ATXN7L1: variants seen among roughly 807,000 people sequenced by gnomAD.
The protein encoded by ATXN7L1 is ataxin 7 like 1.
A neutral mutation model predicts 70.8 loss-of-function variants in ATXN7L1; 15 were observed. That is an observed-to-expected ratio of 0.21 (90% CI 0.14 to 0.33). The LOEUF (loss-of-function observed/expected upper bound fraction) is 0.33. ATXN7L1 is among the 10% of genes least tolerant of loss of function. The pLI is 1.00. For synonymous variants in ATXN7L1, 440 were observed against 445.1 expected, an observed-to-expected ratio of 0.99 and a Z score of 0.14; for missense variants, 975 against 1,097.1, an observed-to-expected ratio of 0.89 and a Z score of 1.57.
chr7:105,650,386 A>ATAT (rs1255165376), intron 4 of ATXN7L1, among the ~76,000 whole-genome samples: 1 of 152,100 alleles, frequency 6.6e-6, no homozygotes, highest in African/African-American at 2.4e-5. Context: ...GAGCATGGTA[A>ATAT]ATAAGAATAT....
At chr7:105,619,341 G>A (rs1310108038) in intron 9 of ATXN7L1, among the ~76,000 whole-genome samples, 1 of 145,356 alleles carries the variant, frequency 6.9e-6, no homozygotes, top group Non-Finnish European at 1.5e-5. Context: ...AGAGACGGGG[G>A]TTTCACTATG....
intron 2 of ATXN7L1, among the ~76,000 whole-genome samples, chr7:105,864,642 TC>T (rs1817142179): frequency 6.6e-6 from 1 of 151,424 alleles, no homozygotes; most frequent in African/African-American, 2.4e-5. Context: ...TTTTTTTTTT[TC>T]TTTTTTTTGA....
chr7:105,724,067 C>T lies in ATXN7L1; in HGVS notation c.356-58779G>A, dbSNP rs116354229. Among the ~76,000 whole-genome samples the T allele has an allele frequency of 4.9e-3, 746 of 152,188 alleles. 6 individuals are homozygous for T. The highest frequency in any genetic ancestry group is 0.016 in the African/African-American group (680 of 41,522). On this transcript the variant is annotated intron_variant, in intron 3 of 11. Transcript: ENST00000419735. ...ATGAGGTGTATTAGTTTCCTAGGAC[C>T]GCTGTAACAAAGTACCACAATTTGG...
rs890937822 is a variant in ATXN7L1 at position 105,605,833 on chromosome 7, C to T, written c.*2019G>A. 7 of 152,260 alleles carry T rather than the reference C, an allele frequency of 4.6e-5. No individual in the cohort carries two copies. Among genetic ancestry groups the T allele is most frequent in the African/African-American group, 1.4e-4 (6 of 41,558 alleles). 9.4% of individuals were successfully genotyped at this position (152,260 alleles called of 1,614,324 possible). ...TACAATAAAAACATAATTCAAAGAACATTTTAAAAATATAAACATTGCTTA... is the reference window on the plus strand; with the variant it reads ...TACAATAAAAACATAATTCAAAGAATATTTTAAAAATATAAACATTGCTTA... On this transcript the variant is annotated 3_prime_UTR_variant, in exon 12 of 12. Transcript: ENST00000419735.
intron 3 of ATXN7L1, among the ~76,000 whole-genome samples, chr7:105,686,141 A>C (rs1156875003): frequency 6.6e-6 from 1 of 152,230 alleles, no homozygotes; most frequent in African/African-American, 2.4e-5. Flanking sequence ...TTAAAAAAAA[A>C]AAATACACAG....
chr7:105,753,363 C>T (rs889467522), intron 3 of ATXN7L1, among the ~76,000 whole-genome samples: 20 of 152,310 alleles, frequency 1.3e-4, no homozygotes, highest in African/African-American at 3.6e-4. Context: ...AGAGAATACA[C>T]GTGATACAGT....
chr7:105,729,333 A>AAATAAATG (rs1796262947), intron 3 of ATXN7L1, among the ~76,000 whole-genome samples: 1 of 144,198 alleles, frequency 6.9e-6, no homozygotes, highest in South Asian at 2.2e-4. Context: ...ATAAATAAAT[A>AAATAAATG]AATGGAGGAG....
At chr7:105,789,587 C>T (rs545770974) in intron 2 of ATXN7L1, among the ~76,000 whole-genome samples, 5 of 152,006 alleles carry the variant, frequency 3.3e-5, no homozygotes, top group South Asian at 2.1e-4. Flanking sequence ...AGGGGGAAGG[C>T]GGAAAGTTTG....
chr7:105,791,711 TAA>T (rs1475311336), intron 2 of ATXN7L1, among the ~76,000 whole-genome samples: 4 of 152,222 alleles, frequency 2.6e-5, no homozygotes, highest in African/African-American at 9.7e-5. Context: ...CATTTCGACT[TAA>T]AGTCACATTT....
At chr7:105,759,092 A>C (rs1348395477) in intron 3 of ATXN7L1, among the ~76,000 whole-genome samples, 1 of 151,596 alleles carries the variant, frequency 6.6e-6, no homozygotes, top group African/African-American at 2.4e-5. Flanking sequence ...AGAAAATGTT[A>C]AATATATAAT....
At chr7:105,707,474 A>G (rs1189462358) in intron 3 of ATXN7L1, among the ~76,000 whole-genome samples, 1 of 152,182 alleles carries the variant, frequency 6.6e-6, no homozygotes, top group African/African-American at 2.4e-5. Context: ...AGGCTGGGCT[A>G]TGGGCTGAAC....
Position 105,675,134 on chromosome 7 carries a change from T to C in ATXN7L1, c.356-9846A>G, listed in dbSNP as rs546506129. Reference sequence around the variant, plus strand: ...AAGGGAAAAAAAAAGTTCAAAGATATTCTCAGCACTGTTTACTACAGTTAA... The same window carrying C: ...AAGGGAAAAAAAAAGTTCAAAGATACTCTCAGCACTGTTTACTACAGTTAA... On this transcript the variant is annotated intron_variant, in intron 3 of 11. Transcript: ENST00000419735. Among the ~76,000 whole-genome samples, 22 of 146,298 alleles carry C rather than the reference T, an allele frequency of 1.5e-4. No homozygotes were observed. The South Asian group carries it at 5.0e-3, about 34-fold the overall frequency.
intron 3 of ATXN7L1, among the ~76,000 whole-genome samples, chr7:105,744,425 CT>C (rs11368323): frequency 0.71 from 107,136 of 151,790 alleles, 39,133 homozygotes; most frequent in East Asian, 1. Flanking sequence ...GGGGAATATT[CT>C]TTTTTTTAGG....
intron 2 of ATXN7L1, chr7:105,819,601 G>A (rs1397445388): frequency 1.7e-5 from 15 of 905,672 alleles, no homozygotes; most frequent in South Asian, 1.3e-4. Flanking sequence ...GAGGTCGTAC[G>A]CTGTGAGGGC....
intron 3 of ATXN7L1, among the ~76,000 whole-genome samples, chr7:105,762,775 A>G (rs1584945915): frequency 6.6e-6 from 1 of 152,294 alleles, no homozygotes; most frequent in East Asian, 1.9e-4. Context: ...TTTCTAATGA[A>G]CAGAATAGAG....
At position 105,606,043 on chromosome 7, in the gene ATXN7L1, CCTT is replaced by C. The variant is rs1160978280; in HGVS notation, c.*1806_*1808del. The C allele has an allele frequency of 1.3e-5, 2 of 151,760 alleles. No homozygotes were observed. The highest frequency in any genetic ancestry group is 2.9e-5 in the Non-Finnish European group (2 of 67,972). 9.4% of individuals were successfully genotyped at this position (151,760 alleles called of 1,614,324 possible). ...TAAACATTTATAAGTCTTAAAATCT[CCTT>C]AACCTTTTTTTTTTAAAAAAAGAAA... On this transcript the variant is annotated 3_prime_UTR_variant, in exon 12 of 12. Transcript: ENST00000419735.
intron 4 of ATXN7L1, among the ~76,000 whole-genome samples, chr7:105,663,883 C>T (rs1802103358): frequency 6.6e-6 from 1 of 152,100 alleles, no homozygotes; most frequent in Non-Finnish European, 1.5e-5. Context: ...CTCCTGCTTG[C>T]CTCAGCCTCC....
At chr7:105,819,775 C>T (rs539238752) in intron 2 of ATXN7L1, 36 of 694,860 alleles carry the variant, frequency 5.2e-5, no homozygotes, top group South Asian at 1.7e-4. Context: ...AAAGCAAGGC[C>T]GGGCCGCCCT....
In ATXN7L1 at chr7:105,871,698, G is replaced by A. The variant is rs375499928; in HGVS notation, c.250+4114C>T. Reference sequence around the variant, plus strand: ...GCACTCCAGCCTGGGCAACAAGAGCGAGATTCTGTCTCAAAAAAAAAAAAA... The same window carrying A: ...GCACTCCAGCCTGGGCAACAAGAGCAAGATTCTGTCTCAAAAAAAAAAAAA... On this transcript the variant is annotated intron_variant, in intron 2 of 11. Coordinates refer to ENST00000419735, the MANE Select transcript of ATXN7L1 (RefSeq NM_020725.2). Among the ~76,000 whole-genome samples, 289 of 141,298 alleles carry A rather than the reference G, an allele frequency of 2.0e-3. 3 individuals are homozygous for A. Among genetic ancestry groups the A allele is most frequent in the African/African-American group, 7.5e-3 (272 of 36,244 alleles). 92.7% of individuals were successfully genotyped at this position (141,298 alleles called of 152,430 possible).
Sources: gnomAD v4.1 joint callset for allele counts (sites outside exome capture counted in the v4.1 genomes callset) on GRCh38, gnomAD v4.1.1 for gene constraint, MANE v1.5 for transcripts, NCBI Gene and HGNC (gene_info 2026-07-23, HGNC 2026-07-21) for gene names.